WIPF1: variants seen among roughly 807,000 people sequenced by gnomAD.
WIPF1 encodes the protein WAS/WASL-interacting protein family member 1.
Under a neutral mutation model 35.4 loss-of-function variants are expected in WIPF1, and 13 were observed. The ratio of observed to expected loss-of-function variants is 0.37; its 90% CI spans 0.24 to 0.58. The LOEUF (loss-of-function observed/expected upper bound fraction) is 0.58, where lower values mean the gene tolerates loss of function less well. Ranked by LOEUF, WIPF1 falls within the 20% of genes least tolerant of loss-of-function variation. The pLI is 0.74. For synonymous variants in WIPF1, 267 were observed against 266.3 expected (o/e 1.00, Z -0.02); for missense variants, 591 against 667.0 (o/e 0.89, Z 1.25).
intron 1 of WIPF1, chr2:174,630,329 G>A (rs1307103953): frequency 1.3e-5 from 2 of 152,186 alleles, no homozygotes; most frequent in Non-Finnish European, 2.9e-5. Context: ...CAAAGCAGTA[G>A]CTTCTCATTA....
chr2:174,628,933 T>C (rs994831175), intron 1 of WIPF1, among the ~76,000 whole-genome samples: 4 of 152,256 alleles, frequency 2.6e-5, no homozygotes, highest in Non-Finnish European at 4.4e-5. Flanking sequence ...ACAGCATCTT[T>C]CCTAAACTTT....
At chr2:174,608,463 A>G (rs1686243130) in intron 1 of WIPF1, among the ~76,000 whole-genome samples, 1 of 152,264 alleles carries the variant, frequency 6.6e-6, no homozygotes, top group African/African-American at 2.4e-5. Flanking sequence ...TTCTTTGAAG[A>G]GAAAATGATT....
rs894089905 is a variant in WIPF1, at chr2:174,624,517, C to T, written c.-38-38906G>A. Among the ~76,000 whole-genome samples, 5 of 152,174 alleles carry T rather than the reference C, an allele frequency of 3.3e-5. No homozygotes were observed. The East Asian group carries it at 5.8e-4, about 18-fold the overall frequency. On this transcript the variant is annotated intron_variant, in intron 1 of 8. Coordinates refer to the WIPF1 transcript ENST00000272746. ...TAGGTTTCAATTTTCCCCTCCTAGA[C>T]GCCAATCCAAATTTGTCATCACCTG...
chr2:174,627,393 ATTTTC>A (rs765203315), intron 1 of WIPF1, among the ~76,000 whole-genome samples: 3 of 151,734 alleles, frequency 2.0e-5, no homozygotes, highest in Non-Finnish European at 4.4e-5. Context: ...AGGTCTTATG[ATTTTC>A]TTTTCTTTTT....
chr2:174,620,766 C>T (rs1348553244), intron 1 of WIPF1, among the ~76,000 whole-genome samples: 1 of 152,152 alleles, frequency 6.6e-6, no homozygotes, highest in East Asian at 1.9e-4. Flanking sequence ...ACGGGGTGCA[C>T]ATGATGCCGT....
chr2:174,671,259 A>G (rs970549071), intron 1 of WIPF1, among the ~76,000 whole-genome samples: 9 of 152,228 alleles, frequency 5.9e-5, no homozygotes, highest in Admixed American at 5.2e-4. Flanking sequence ...TCTGAACATA[A>G]GTTATGAAGA....
Position 174,660,001 on chromosome 2 carries a change from G to A in WIPF1, c.-39+22773C>T, listed in dbSNP as rs1687723911. Among the ~76,000 whole-genome samples, 3 of 152,132 alleles carry A rather than the reference G, an allele frequency of 2.0e-5. No individual in the cohort carries two copies. In the South Asian group the frequency reaches 6.2e-4, roughly 32 times the overall value. ...TCTCACCAGTACCTGGATGTGGATG[G>A]TAATTTATACAGTACTCTTTGTGCT... On this transcript the variant is annotated intron_variant, in intron 1 of 8. Coordinates refer to the WIPF1 transcript ENST00000272746.
intron 1 of WIPF1, among the ~76,000 whole-genome samples, chr2:174,620,574 A>G (rs1196242507): frequency 6.6e-6 from 1 of 152,240 alleles, no homozygotes; most frequent in African/African-American, 2.4e-5. Flanking sequence ...TCCTAGGACC[A>G]TTAAAATATT....
chr2:174,568,221 AAC>A lies in WIPF1; in HGVS notation c.1130-150_1130-149del. ...AGGATATTTGGCTGAGAAATGAGTAAACACACAGAAACACAAAAATTGCACAT... is the reference window on the plus strand; with the variant it reads ...AGGATATTTGGCTGAGAAATGAGTAAACACAGAAACACAAAAATTGCACAT... On this transcript the variant is annotated intron_variant, in intron 5 of 7. Transcript: ENST00000679041. The A allele has an allele frequency of 3.2e-6, 3 of 940,830 alleles. No individual in the cohort carries two copies. In the East Asian group the frequency reaches 8.0e-5, roughly 25 times the overall value. The allele number at this position is 940,830 out of a possible 1,614,324, so 58.3% of individuals were successfully genotyped here. A position where few individuals can be genotyped will look rare whatever the true frequency, so the allele number is the denominator to read the frequency against.
rs778596250 is a variant in WIPF1 at position 174,571,672 on chromosome 2, A to ATACC, written c.1129_1129+3dup. On this transcript the variant is annotated splice_donor_region_variant and intron_variant, in intron 5 of 7. Coordinates refer to ENST00000679041, the MANE Select transcript of WIPF1 (RefSeq NM_001375834.1). The surrounding 1 kb of genome is among the most constrained non-coding windows in gnomAD (Gnocchi z 4.6). ...GAAGCAACTCACTCCACGTCTTGTC[A>ATACC]TACCTGATCGGCCTGGCGGGTCCCT... 6.2e-7 allele frequency: 1 copy of ATACC among 1,614,180 alleles called. No individual in the cohort carries two copies. The highest frequency in any genetic ancestry group is 8.5e-7 in the Non-Finnish European group (1 of 1,180,040).
intron 1 of WIPF1, among the ~76,000 whole-genome samples, chr2:174,619,174 CT>C (rs1686603118): frequency 6.6e-6 from 1 of 152,146 alleles, no homozygotes; most frequent in Non-Finnish European, 1.5e-5. Flanking sequence ...GTCTCAAACT[CT>C]TGGGCTCAAG....
chr2:174,658,752 G>C (rs192029094), intron 1 of WIPF1, among the ~76,000 whole-genome samples: 3 of 149,080 alleles, frequency 2.0e-5, no homozygotes, highest in Non-Finnish European at 4.5e-5. Context: ...GTCTGGTGGA[G>C]CCCCCCACAG....
intron 1 of WIPF1, among the ~76,000 whole-genome samples, chr2:174,651,596 A>G (rs1159567755): frequency 6.6e-6 from 1 of 152,240 alleles, no homozygotes; most frequent in African/African-American, 2.4e-5. Context: ...ACTAGCAGTA[A>G]TACAGCACAC....
intron 1 of WIPF1, among the ~76,000 whole-genome samples, chr2:174,609,430 A>T (rs188268096): frequency 1.3e-5 from 2 of 152,294 alleles, no homozygotes; most frequent in East Asian, 3.9e-4. Context: ...GAGCCCAAGG[A>T]CAATGTCAAT....
upstream of WIPF1, among the ~76,000 whole-genome samples, chr2:174,602,483 T>C (rs1052767093): frequency 1.3e-5 from 2 of 152,254 alleles, no homozygotes; most frequent in African/African-American, 4.8e-5. Flanking sequence ...CCCGCAGTTC[T>C]AAAACTTACA....
intron 1 of WIPF1, among the ~76,000 whole-genome samples, chr2:174,626,739 A>G (rs1313539257): frequency 6.6e-6 from 1 of 152,158 alleles, no homozygotes; most frequent in Non-Finnish European, 1.5e-5. Context: ...ATTACTCCTC[A>G]ACATCTTTAC....
intron 1 of WIPF1, among the ~76,000 whole-genome samples, chr2:174,640,943 G>T (rs2105947258): frequency 6.6e-6 from 1 of 152,234 alleles, no homozygotes; most frequent in South Asian, 2.1e-4. Context: ...ATCCAAAAGA[G>T]CAAAAGCAAT....
intron 1 of WIPF1, among the ~76,000 whole-genome samples, chr2:174,682,545 C>A (rs899159571): frequency 6.6e-6 from 1 of 151,968 alleles, no homozygotes; most frequent in Non-Finnish European, 1.5e-5. Context: ...CATCAGCGGG[C>A]AGCAGAACGC....
At chr2:174,624,132 A>C (rs1467570087) in intron 1 of WIPF1, among the ~76,000 whole-genome samples, 1 of 152,258 alleles carries the variant, frequency 6.6e-6, no homozygotes, top group Non-Finnish European at 1.5e-5. Context: ...CTAATAAATC[A>C]GAATTAGTGG....
Sources: gnomAD v4.1 joint callset for allele counts (sites outside exome capture counted in the v4.1 genomes callset) on GRCh38, gnomAD v4.1.1 for gene constraint, Gnocchi (gnomAD v3.1) non-coding constraint, MANE v1.5 for transcripts, NCBI Gene and HGNC (gene_info 2026-07-23, HGNC 2026-07-21) for gene names.